The following POLN variants were observed in gnomAD, a reference collection of about 807,000 sequenced individuals.
POLN encodes DNA polymerase N.
A neutral mutation model predicts 113.5 loss-of-function variants in POLN; 108 were observed. The observed-to-expected ratio is 0.95, with a 90% CI of 0.81 to 1.12. The LOEUF is 1.12. Ranked by LOEUF, POLN falls within the 50% of genes most tolerant of loss-of-function variation. The pLI, the probability that POLN is intolerant of heterozygous loss-of-function variation, is 0.00. For missense variants in POLN, 1,097 were observed against 1,077.1 expected (o/e 1.02, Z -0.26); for synonymous variants, 386 against 391.5 (o/e 0.99, Z 0.17).
chr4:2,131,426 C>CCTG, intron 16 of POLN, 136 bp from the exon 17 acceptor site: 1 of 557,074 alleles, frequency 1.8e-6, no homozygotes, highest in South Asian at 2.3e-5. Flanking sequence ...CACATTAATA[C>CCTG]TTAATACAGT....
At chr4:2,096,655 A>G (rs1345811142) in intron 19 of POLN, among the ~76,000 whole-genome samples, 1 of 146,630 alleles carries the variant, frequency 6.8e-6, no homozygotes, top group Non-Finnish European at 1.5e-5. Flanking sequence ...TCCCTGATGG[A>G]GTGGGCATCT....
intron 19 of POLN, among the ~76,000 whole-genome samples, chr4:2,106,896 T>G (rs186871182): frequency 8.5e-5 from 13 of 152,310 alleles, no homozygotes; most frequent in African/African-American, 2.6e-4. Flanking sequence ...CATCATAAAC[T>G]GCAGATTAGT....
At chr4:2,177,301 C>G (rs750900715) in intron 8 of POLN, 1 of 484,830 alleles carries the variant, frequency 2.1e-6, no homozygotes, top group South Asian at 1.5e-5. Context: ...CTCCTTCTCC[C>G]CAGGTTGGTC....
chr4:2,185,591 A>G (rs1319113520), intron 7 of POLN, among the ~76,000 whole-genome samples: 1 of 152,064 alleles, frequency 6.6e-6, no homozygotes, highest in Non-Finnish European at 1.5e-5. Context: ...CCAAAAATAT[A>G]AAAAATTAGC....
At chr4:2,107,910 C>A (rs1195794332) in intron 19 of POLN, among the ~76,000 whole-genome samples, 1 of 152,204 alleles carries the variant, frequency 6.6e-6, no homozygotes, top group African/African-American at 2.4e-5. Flanking sequence ...TGAGGTCTTG[C>A]CATAAGCCAG....
chr4:2,152,444 T>C (rs1414047560), intron 16 of POLN, among the ~76,000 whole-genome samples: 1 of 147,874 alleles, frequency 6.8e-6, no homozygotes, highest in African/African-American at 2.5e-5. Context: ...TGGGCTCAAG[T>C]GATCCTCCTG....
At chr4:2,145,065 TAACA>T (rs1384077502) in intron 16 of POLN, among the ~76,000 whole-genome samples, 7 of 152,312 alleles carry the variant, frequency 4.6e-5, no homozygotes, top group Middle Eastern at 3.4e-3. Context: ...ACAATAGCTA[TAACA>T]AACAGTTACC....
chr4:2,129,731 T>C (rs1731673290), intron 17 of POLN, among the ~76,000 whole-genome samples: 1 of 152,228 alleles, frequency 6.6e-6, no homozygotes, highest in African/African-American at 2.4e-5. Flanking sequence ...TACTGAAAGT[T>C]AACTAGGTTT....
rs560830672 is a variant in POLN, at chr4:2,079,486, G to A, written c.2387+1472C>T. On this transcript the variant is annotated intron_variant, in intron 23 of 25. Transcript: ENST00000511885. ...ATGGGTTGTATGCATGGGTGAACACGTGTATGGGTGCATGTGCTTGTGTGT... is the reference window on the plus strand; with the variant it reads ...ATGGGTTGTATGCATGGGTGAACACATGTATGGGTGCATGTGCTTGTGTGT... 27 of 985,714 alleles carry A rather than the reference G, an allele frequency of 2.7e-5. No individual in the cohort carries two copies. In the Admixed American group the frequency reaches 1.3e-3, roughly 47 times the overall value. 61.1% of individuals were successfully genotyped at this position (985,714 alleles called of 1,614,324 possible).
chr4:2,095,943 G>T lies in POLN; in HGVS notation c.1983-10C>A, dbSNP rs749266381. On this transcript the variant is annotated splice_polypyrimidine_tract_variant and intron_variant, in intron 19 of 25. Coordinates refer to ENST00000511885, the MANE Select transcript of POLN (RefSeq NM_181808.4). ...CACGGGCACATCCTTCCTGCATGGAGAGACCATGTGTGAAGTTCAGGCACA... is the reference window on the plus strand; with the variant it reads ...CACGGGCACATCCTTCCTGCATGGATAGACCATGTGTGAAGTTCAGGCACA... 2 of 1,613,528 alleles carry T rather than the reference G, an allele frequency of 1.2e-6. No homozygotes were observed. Among genetic ancestry groups the T allele is most frequent in the Non-Finnish European group, 1.7e-6 (2 of 1,179,610 alleles).
rs186986715 is a variant in POLN, at chr4:2,193,963, C to T, written c.909-647G>A. On this transcript the variant is annotated intron_variant, in intron 6 of 25. Coordinates refer to ENST00000511885, the MANE Select transcript of POLN (RefSeq NM_181808.4). ...GCCTTGAACGTTTGTCTCTCCATTA[C>T]ACCATAAGCACTTTGAATATGGGAC... is the stretch of plus-strand genomic sequence containing the variant. 1.9e-4 allele frequency among the ~76,000 whole-genome samples: 29 copies of T among 152,292 alleles called. 1 individual carries two copies. Among genetic ancestry groups the T allele is most frequent in the African/African-American group, 6.7e-4 (28 of 41,558 alleles).
chr4:2,237,307 G>A (rs144345530), intron 2 of POLN, among the ~76,000 whole-genome samples: 1,546 of 151,288 alleles, frequency 0.01, 31 homozygotes, highest in African/African-American at 0.034. Context: ...ATGGTGGCAC[G>A]TGCCTGTAGT....
At chr4:2,192,825 A>T (rs998079093) in intron 7 of POLN, among the ~76,000 whole-genome samples, 1 of 150,214 alleles carries the variant, frequency 6.7e-6, no homozygotes, top group African/African-American at 2.4e-5. Flanking sequence ...ATATATATAT[A>T]TATTTAAAAT....
intron 13 of POLN, 34 bp from the exon 14 acceptor site, chr4:2,159,245 C>A: frequency 6.6e-7 from 1 of 1,519,916 alleles, no homozygotes; most frequent in East Asian, 2.3e-5. Context: ...CAATGTAATT[C>A]GTCCATTTTA....
chr4:2,155,205 C>T (rs1398933534), intron 16 of POLN, among the ~76,000 whole-genome samples: 2 of 152,094 alleles, frequency 1.3e-5, no homozygotes, highest in African/African-American at 2.4e-5. Flanking sequence ...AGAAATTAGC[C>T]CAAGGGTAAC....
intron 7 of POLN, among the ~76,000 whole-genome samples, chr4:2,192,708 C>T (rs1201827570): frequency 6.6e-6 from 1 of 151,784 alleles, no homozygotes; most frequent in Non-Finnish European, 1.5e-5. Flanking sequence ...TGGCTCACGC[C>T]TATAATCCCA....
At chr4:2,166,685 A>G (rs1732736644) in intron 13 of POLN, among the ~76,000 whole-genome samples, 1 of 151,912 alleles carries the variant, frequency 6.6e-6, no homozygotes, top group Non-Finnish European at 1.5e-5. Flanking sequence ...GATCTGGGAC[A>G]CCCTTCTCCT....
At position 2,088,773 on chromosome 4, in the gene POLN, T is replaced by G. The variant is rs1730603918; in HGVS notation, c.2066-3029A>C. On this transcript the variant is annotated intron_variant, in intron 20 of 25. Coordinates refer to ENST00000511885, the MANE Select transcript of POLN (RefSeq NM_181808.4). ...ACAATGTCATCAGGTGATGCTGATT[T>G]GAAGTCAAATGGTATTATCGCTACA... The G allele has an allele frequency of 2.3e-6, 3 of 1,319,012 alleles. No individual in the cohort carries two copies. The South Asian group carries it at 4.2e-5, about 19-fold the overall frequency. 81.7% of individuals were successfully genotyped at this position (1,319,012 alleles called of 1,614,324 possible). A position where few individuals can be genotyped will look rare whatever the true frequency, so the allele number is the denominator to read the frequency against.
At chr4:2,089,115 G>T in intron 20 of POLN, 1 of 1,088,658 alleles carries the variant, frequency 9.2e-7, no homozygotes, top group Non-Finnish European at 1.4e-6. Flanking sequence ...AGAAAATCTG[G>T]GTTTTTTTTA....
Sources: allele counts gnomAD v4.1 joint callset (sites outside exome capture counted in the v4.1 genomes callset), GRCh38; gene constraint gnomAD v4.1.1; transcripts MANE v1.5; gene names NCBI Gene and HGNC (gene_info 2026-07-23, HGNC 2026-07-21).